Variants in ITPKB observed in about 807,000 individuals in gnomAD.
The protein encoded by ITPKB is IP3 3-kinase B.
In ITPKB, 13 loss-of-function variants were observed where a neutral mutation model predicts 69.4. That is an observed-to-expected ratio of 0.19 (90% CI 0.12 to 0.30). The LOEUF is 0.30. Ranked by LOEUF, ITPKB falls within the 10% of genes least tolerant of loss-of-function variation. The probability of loss-of-function intolerance (pLI) is 1.00; values close to 1 mark genes in which losing one functional copy is unlikely to be tolerated. For synonymous variants in ITPKB, 584 were observed against 513.7 expected (o/e 1.14, Z -1.85); for missense variants, 1,240 against 1,250.5 (o/e 0.99, Z 0.13).
chr1:226,736,871 C>G lies in ITPKB; in HGVS notation c.588G>C (p.Arg196=). 6.2e-7 allele frequency: 1 copy of G among 1,611,232 alleles called. No homozygotes were observed. The highest frequency in any genetic ancestry group is 1.1e-5 in the South Asian group (1 of 91,088). The change falls in exon 2 of 8, where the codon CGG becomes CGC. Residue 196 remains arginine (R), a synonymous_variant. Coordinates refer to ENST00000429204, the MANE Select transcript of ITPKB (RefSeq NM_002221.4). ...PPGRVLVQGA[R]SEERRTKSWG... ...AGGACTTTGTCCTCCGTTCCTCGCTCCGGGCGCCCTGAACCAGGACCCTTC... is the reference window on the plus strand; with the variant it reads ...AGGACTTTGTCCTCCGTTCCTCGCTGCGGGCGCCCTGAACCAGGACCCTTC...
rs753875402 is a variant in ITPKB, at chr1:226,736,443, G to A, written c.1016C>T (p.Pro339Leu). Residue 339 changes from proline (P) to leucine (L), a missense_variant, in exon 2 of 8, where the codon CCA becomes CTA. Coordinates refer to ENST00000429204, the MANE Select transcript of ITPKB (RefSeq NM_002221.4). ...CCCCTGCCTCTCCACCAGGGCCTCT[G>A]GGGGCTGCAGGTCCTCAAGCTCACG... Reference protein sequence around the residue: ...RARELEDLQPPEALVERQGQF... With the variant: ...RARELEDLQPLEALVERQGQF... 1.9e-6 allele frequency: 3 copies of A among 1,613,352 alleles called. No individual in the cohort carries two copies. Among genetic ancestry groups the A allele is most frequent in the Non-Finnish European group, 2.5e-6 (3 of 1,180,014 alleles).
chr1:226,733,027 A>G (rs1038168304), intron 2 of ITPKB, among the ~76,000 whole-genome samples: 1 of 152,078 alleles, frequency 6.6e-6, no homozygotes, highest in Non-Finnish European at 1.5e-5. Context: ...AAACAATCTC[A>G]GTGTCTAGTG....
chr1:226,663,055 G>T (rs1018547153), intron 2 of ITPKB, among the ~76,000 whole-genome samples: 4 of 152,122 alleles, frequency 2.6e-5, no homozygotes, highest in Non-Finnish European at 5.9e-5. Context: ...TGCCAAAAAG[G>T]GACACCAGAG....
chr1:226,737,347 TCGGGGG>T lies in ITPKB; in HGVS notation c.106_111del (p.Pro36_Pro37del). 1 of 1,602,994 alleles carries T rather than the reference TCGGGGG, an allele frequency of 6.2e-7. No individual in the cohort carries two copies. Among genetic ancestry groups the T allele is most frequent in the Non-Finnish European group, 8.5e-7 (1 of 1,178,148 alleles). Reference sequence around the variant, plus strand: ...CTGCCGGGGCTCAGCACTGCCCTCCTCGGGGGCGGGGGCGTCTCGCTGCCACTGGGC... The same window carrying T: ...CTGCCGGGGCTCAGCACTGCCCTCCTCGGGGGCGTCTCGCTGCCACTGGGC... On this transcript the variant is annotated inframe_deletion, in exon 2 of 8. Coordinates refer to ENST00000429204, the MANE Select transcript of ITPKB (RefSeq NM_002221.4).
At chr1:226,737,724 C>A in intron 1 of ITPKB, 61 bp from the exon 2 acceptor site, 2 of 390,660 alleles carry the variant, frequency 5.1e-6, no homozygotes, top group Non-Finnish European at 7.3e-6. Flanking sequence ...AGTTGGGGGT[C>A]GCCTGCAGAA....
intron 2 of ITPKB, among the ~76,000 whole-genome samples, chr1:226,703,697 C>T (rs1656734989): frequency 6.6e-6 from 1 of 152,248 alleles, no homozygotes; most frequent in Non-Finnish European, 1.5e-5. Flanking sequence ...GAAATGCTGA[C>T]CTGCACCCCT....
chr1:226,736,160 G>C lies in ITPKB; in HGVS notation c.1299C>G (p.Gly433=), dbSNP rs550313561. ...PEEARSGAPV[G]GGRWQLSDRV... is the part of the protein sequence containing the mutation. ...TGTCGGAGAGCTGCCAACGCCCCCC[G>C]CCCACGGGGGCCCCACTTCGGGCCT... The change falls in exon 2 of 8, where the codon GGC becomes GGG. Residue 433 remains glycine, a synonymous_variant. Transcript: ENST00000429204. The C allele has an allele frequency of 1.9e-6, 3 of 1,553,966 alleles. No individual in the cohort carries two copies. Among genetic ancestry groups the C allele is most frequent in the Admixed American group, 1.9e-5 (1 of 52,766 alleles).
intron 2 of ITPKB, among the ~76,000 whole-genome samples, chr1:226,650,620 T>C (rs1174674703): frequency 6.6e-6 from 1 of 152,132 alleles, no homozygotes; most frequent in Non-Finnish European, 1.5e-5. Flanking sequence ...GCCATTACGG[T>C]GGGTCCAGGG....
intron 5 of ITPKB, 71 bp from the exon 6 acceptor site, chr1:226,639,729 C>A (rs914671641): frequency 9.9e-7 from 1 of 1,013,180 alleles, no homozygotes; most frequent in African/African-American, 1.6e-5. Context: ...TCTCACCCAC[C>A]CAACACCACA....
At chr1:226,703,192 G>T (rs1656709646) in intron 2 of ITPKB, among the ~76,000 whole-genome samples, 1 of 152,178 alleles carries the variant, frequency 6.6e-6, no homozygotes, top group African/African-American at 2.4e-5. Flanking sequence ...GATATTACTA[G>T]AAAAACCTGA....
intron 2 of ITPKB, among the ~76,000 whole-genome samples, chr1:226,655,674 G>T (rs956534553): frequency 1.3e-5 from 2 of 152,220 alleles, no homozygotes; most frequent in Non-Finnish European, 2.9e-5. Flanking sequence ...AGCCTTCTCC[G>T]CAGGAGGCCA....
In ITPKB at chr1:226,710,112, C is replaced by T. The variant is rs188081520; in HGVS notation, c.1932+25415G>A. Among the ~76,000 whole-genome samples, 74 of 152,282 alleles carry T rather than the reference C, an allele frequency of 4.9e-4. No individual in the cohort carries two copies. The East Asian group carries it at 0.014, about 28-fold the overall frequency. ...TCTCCTCTCCCCTGACTCACGGCCT[C>T]CTTCAGAAGGTGCCGTGCTAACAGG... On this transcript the variant is annotated intron_variant, in intron 2 of 7. Coordinates refer to ENST00000429204, the MANE Select transcript of ITPKB (RefSeq NM_002221.4).
At chr1:226,663,648 T>C (rs781388416) in intron 2 of ITPKB, among the ~76,000 whole-genome samples, 2 of 152,128 alleles carry the variant, frequency 1.3e-5, no homozygotes, top group Non-Finnish European at 2.9e-5. Flanking sequence ...GCCTCCCTAG[T>C]AGCTGGGACT....
At chr1:226,652,751 G>A (rs755040366) in intron 2 of ITPKB, among the ~76,000 whole-genome samples, 5 of 152,246 alleles carry the variant, frequency 3.3e-5, no homozygotes, top group Non-Finnish European at 5.9e-5. Context: ...GACATCCCTT[G>A]TGGACACCTC....
chr1:226,717,657 C>A (rs1335807560), intron 2 of ITPKB, among the ~76,000 whole-genome samples: 1 of 152,206 alleles, frequency 6.6e-6, no homozygotes, highest in Non-Finnish European at 1.5e-5. Flanking sequence ...TGTGAGTCAG[C>A]CTGGGTAAGC....
intron 2 of ITPKB, among the ~76,000 whole-genome samples, chr1:226,694,715 G>A (rs1336294301): frequency 6.6e-6 from 1 of 152,160 alleles, no homozygotes; most frequent in African/African-American, 2.4e-5. Flanking sequence ...GCAGCATCCT[G>A]GCCTCTACCC....
chr1:226,666,512 A>G (rs1669506473), intron 2 of ITPKB, among the ~76,000 whole-genome samples: 1 of 152,188 alleles, frequency 6.6e-6, no homozygotes. Context: ...ATCTAATGGG[A>G]CCATGCTGAA....
intron 2 of ITPKB, among the ~76,000 whole-genome samples, chr1:226,683,624 G>A (rs983187855): frequency 6.6e-6 from 1 of 152,130 alleles, no homozygotes; most frequent in Admixed American, 6.5e-5. Flanking sequence ...GGCGGGGGAA[G>A]GGGAGTGTAG....
chr1:226,736,995 T>A lies in ITPKB; in HGVS notation c.464A>T (p.Gln155Leu). The change falls in exon 2 of 8, where the codon CAG becomes CTG. Residue 155 changes from glutamine (Q) to leucine (L), a missense_variant. Transcript: ENST00000429204. ...CGCTTGAATGGCGGAGCTCTGTGCC[T>A]GGATGTGCGCCTCAAACATGCCCAC... ...QKVGMFEAHI[Q>L]AQSSAIQAPR... 6.2e-7 allele frequency: 1 copy of A among 1,612,816 alleles called. No individual in the cohort carries two copies. The highest frequency in any genetic ancestry group is 8.5e-7 in the Non-Finnish European group (1 of 1,179,930).
Sources: gnomAD v4.1 joint callset for allele counts (sites outside exome capture counted in the v4.1 genomes callset) on GRCh38, gnomAD v4.1.1 for gene constraint, MANE v1.5 for transcripts, NCBI Gene and HGNC (gene_info 2026-07-23, HGNC 2026-07-21) for gene names.